The following TLK1 variants were observed in gnomAD, a reference collection of about 807,000 sequenced individuals.
TLK1 encodes the protein serine/threonine-protein kinase tousled-like 1.
TLK1 carries 24 observed loss-of-function variants against 105.3 expected under a neutral mutation model. The ratio of observed to expected loss-of-function variants is 0.23; its 90% CI spans 0.17 to 0.32. The LOEUF (loss-of-function observed/expected upper bound fraction) is 0.32, where lower values mean the gene tolerates loss of function less well. Among genes scored for constraint, TLK1 ranks in the 10% least tolerant of loss-of-function variants. TLK1 has a pLI of 1.00. For missense variants in TLK1, 558 were observed against 910.5 expected (o/e 0.61, Z 4.98); for synonymous variants, 321 against 310.4 (o/e 1.03, Z -0.36).
At chr2:171,050,965 T>A (rs1284896032) in intron 8 of TLK1, among the ~76,000 whole-genome samples, 1 of 152,206 alleles carries the variant, frequency 6.6e-6, no homozygotes, top group East Asian at 1.9e-4. Flanking sequence ...ATCAAAAGTC[T>A]AGGCCAACCA....
chr2:171,137,669 T>C (rs925883389), intron 1 of TLK1, among the ~76,000 whole-genome samples: 2 of 151,900 alleles, frequency 1.3e-5, no homozygotes, highest in Non-Finnish European at 2.9e-5. Context: ...GGCAACATGG[T>C]GAAACCCCGT....
chr2:171,043,212 A>G (rs1036212840), intron 11 of TLK1, among the ~76,000 whole-genome samples: 3 of 152,066 alleles, frequency 2.0e-5, no homozygotes, highest in African/African-American at 7.2e-5. Flanking sequence ...GGTACTTACT[A>G]TGGTGATACC....
intron 1 of TLK1, among the ~76,000 whole-genome samples, chr2:171,223,481 C>CTTTTTTTTTTTTTTTTTT (rs71013025): frequency 7.9e-6 from 1 of 127,006 alleles, no homozygotes; most frequent in Non-Finnish European, 1.6e-5. Context: ...GTATTTTGCA[C>CTTTTTTTTTTTTTTTTTT]TTTTTTTTTT....
intron 2 of TLK1, among the ~76,000 whole-genome samples, chr2:171,100,392 T>C (rs1382429487): frequency 2.0e-5 from 3 of 152,174 alleles, no homozygotes; most frequent in Non-Finnish European, 4.4e-5. Flanking sequence ...GAGTTCTTAC[T>C]CTGGCAAGAC....
intron 18 of TLK1, among the ~76,000 whole-genome samples, chr2:171,004,457 C>T (rs1205183708): frequency 1.3e-5 from 2 of 152,058 alleles, no homozygotes; most frequent in Admixed American, 1.3e-4. Context: ...AGACATAAAC[C>T]AATTTTTGGA....
chr2:171,148,730 A>G (rs1025602413), intron 1 of TLK1, among the ~76,000 whole-genome samples: 37 of 151,964 alleles, frequency 2.4e-4, no homozygotes, highest in African/African-American at 7.7e-4. Context: ...CAAAAATACA[A>G]AAATTAGCTG....
At position 170,995,318 on chromosome 2, in the gene TLK1, T is replaced by C. The variant is rs142211403; in HGVS notation, c.2124+1335A>G. Reference sequence around the variant, plus strand: ...GTATCTTCTGTAGGGATACAGAATATAGAGATATTATATATTACATTAAAA... The same window carrying C: ...GTATCTTCTGTAGGGATACAGAATACAGAGATATTATATATTACATTAAAA... On this transcript the variant is annotated intron_variant, in intron 20 of 20. Transcript: ENST00000431350. Among the ~76,000 whole-genome samples the C allele has an allele frequency of 2.6e-5, 4 of 152,162 alleles. No individual in the cohort carries two copies. In the East Asian group the frequency reaches 5.8e-4, roughly 22 times the overall value.
chr2:171,189,165 A>AT (rs368305495), intron 1 of TLK1, among the ~76,000 whole-genome samples: 3,077 of 137,556 alleles, frequency 0.022, 86 homozygotes, highest in African/African-American at 0.066. Context: ...TGATAGTACA[A>AT]TTTTTTTTTT....
At chr2:171,157,102 G>A (rs968430529) in intron 1 of TLK1, among the ~76,000 whole-genome samples, 2 of 151,972 alleles carry the variant, frequency 1.3e-5, no homozygotes, top group African/African-American at 4.8e-5. Context: ...CACCACTCCT[G>A]GCCCATACAA....
At chr2:171,015,065 C>T in intron 12 of TLK1, 117 bp from the exon 13 acceptor site, 1 of 752,420 alleles carries the variant, frequency 1.3e-6, no homozygotes. Flanking sequence ...TTATAAAGTA[C>T]CACCGAGTTA....
intron 2 of TLK1, among the ~76,000 whole-genome samples, chr2:171,102,490 T>A (rs1689732599): frequency 6.6e-6 from 1 of 152,188 alleles, no homozygotes. Context: ...TCTTTCTATC[T>A]GAGAGTCACA....
intron 1 of TLK1, among the ~76,000 whole-genome samples, chr2:171,157,682 G>A (rs1692292407): frequency 6.6e-6 from 1 of 152,122 alleles, no homozygotes; most frequent in African/African-American, 2.4e-5. Context: ...CATAATCTTA[G>A]GTTTGTGGTT....
chr2:171,100,013 T>C (rs541683151), intron 2 of TLK1, among the ~76,000 whole-genome samples: 99 of 152,318 alleles, frequency 6.5e-4, no homozygotes, highest in Non-Finnish European at 1.2e-3. Context: ...GTGTATCTGA[T>C]AAGAGTCTAG....
At chr2:171,006,759 G>C (rs772814168) in intron 16 of TLK1, 41 bp downstream of exon 16, 2 of 1,584,146 alleles carry the variant, frequency 1.3e-6, no homozygotes, top group South Asian at 1.1e-5. Context: ...GAGAAAGCAA[G>C]CATATCTTTC....
chr2:171,149,915 GGAAAAA>G (rs1304064969), intron 1 of TLK1, among the ~76,000 whole-genome samples: 2 of 149,748 alleles, frequency 1.3e-5, no homozygotes, highest in East Asian at 3.9e-4. Flanking sequence ...TCAAGAAAAA[GGAAAAA>G]GAAAAAGAAA....
chr2:170,993,821 C>G lies in TLK1; in HGVS notation c.2260G>C (p.Ala754Pro), dbSNP rs1553602331. The stretch of plus-strand genomic sequence containing the variant: ...CTTGAAGAAGGGGGTGTAGGGGATG[C>G]TGTCAGCCCAGCCATGTGTAGGTTT... ...SGNLHMAGLT[A>P]SPTPPSSSII... is the part of the protein sequence containing the mutation. Residue 754 changes from alanine to proline, a missense_variant, in exon 21 of 21, where the codon GCA becomes CCA. By Grantham distance (27) the Ala-to-Pro change is conservative (BLOSUM62 -1). Around this residue, in one of 5 missense-constraint regions of TLK1, gnomAD observed 27 missense variants for 22.5 expected, o/e 1.20. Coordinates refer to ENST00000431350, the MANE Select transcript of TLK1 (RefSeq NM_012290.5). 1 of 1,610,290 alleles carries G rather than the reference C, an allele frequency of 6.2e-7. No homozygotes were observed. The highest frequency in any genetic ancestry group is 1.7e-5 in the Admixed American group (1 of 59,566).
Position 170,996,868 on chromosome 2 carries a change from G to A in TLK1, c.2017-108C>T, listed in dbSNP as rs1684089163. ...AAAACCGAAAATCCAAATATCTTGT[G>A]TTCTAAAATCTTCCTCAGTTATTTG... On this transcript the variant is annotated intron_variant, in intron 19 of 20. Transcript: ENST00000431350. 3 of 894,724 alleles carry A rather than the reference G, an allele frequency of 3.4e-6. No homozygotes were observed. In the African/African-American group the frequency reaches 5.1e-5, roughly 15 times the overall value. 55.4% of individuals were successfully genotyped at this position (894,724 alleles called of 1,614,324 possible).
intron 2 of TLK1, among the ~76,000 whole-genome samples, chr2:171,105,933 T>C (rs774549146): frequency 6.6e-6 from 1 of 152,184 alleles, no homozygotes; most frequent in Non-Finnish European, 1.5e-5. Context: ...TGATTCATAA[T>C]AGCTGAAGTA....
At chr2:171,194,733 C>T (rs958403770) in intron 1 of TLK1, among the ~76,000 whole-genome samples, 4 of 147,316 alleles carry the variant, frequency 2.7e-5, no homozygotes, top group East Asian at 2.0e-4. Flanking sequence ...AGGAGAATGG[C>T]GTGAACCTGG....
Sources: allele counts gnomAD v4.1 joint callset (sites outside exome capture counted in the v4.1 genomes callset), GRCh38; gene constraint gnomAD v4.1.1; regional missense constraint gnomAD v4.1.1; transcripts MANE v1.5; gene names NCBI Gene and HGNC (gene_info 2026-07-23, HGNC 2026-07-21).